The following DPYS variants were observed in gnomAD, a reference collection of about 807,000 sequenced individuals.
DPYS encodes dihydropyrimidinase, also known as dihydropyrimidine amidohydrolase.
In DPYS, 39 loss-of-function variants were observed where a neutral mutation model predicts 50.3. That is an observed-to-expected ratio of 0.78 (90% CI 0.60 to 1.01). DPYS has a LOEUF of 1.01. Among genes scored for constraint, DPYS ranks in the 50% least tolerant of loss-of-function variants. DPYS has a pLI of 0.00. For missense variants in DPYS, 659 were observed against 680.9 expected (o/e 0.97, Z 0.36); for synonymous variants, 245 against 250.7 (o/e 0.98, Z 0.22).
rs139880047 is a variant in DPYS at position 104,381,776 on chromosome 8, G to A, written c.1444-462C>T. Among the ~76,000 whole-genome samples the A allele has an allele frequency of 5.1e-3, 780 of 151,774 alleles. 7 individuals carry two copies. Among genetic ancestry groups the A allele is most frequent in the Non-Finnish European group, 8.3e-3 (566 of 67,940 alleles). ...TGGATCTTCCACAGAATCTCACCTC[G>A]TTGGTGACCGACTATGCAGCAGAAC... is the stretch of plus-strand genomic sequence containing the variant. On this transcript the variant is annotated intron_variant, in intron 8 of 9. Transcript: ENST00000351513.
rs182588893 is a variant in DPYS, at chr8:104,446,577, T to C, written c.603+747A>G. On this transcript the variant is annotated intron_variant, in intron 3 of 9. Transcript: ENST00000351513. ...GTGGTAAAAATACTTCCTGTTGTCA[T>C]GAAACTATAAAGCAGAAGTCCAATT... is the stretch of plus-strand genomic sequence containing the variant. Among the ~76,000 whole-genome samples the C allele has an allele frequency of 1.2e-3, 176 of 152,344 alleles. 1 individual carries two copies. Among genetic ancestry groups the C allele is most frequent in the African/African-American group, 3.9e-3 (162 of 41,578 alleles).
chr8:104,381,852 TC>T (rs1811056736), intron 8 of DPYS, among the ~76,000 whole-genome samples: 1 of 123,872 alleles, frequency 8.1e-6, no homozygotes, highest in South Asian at 2.7e-4. Flanking sequence ...AGTTTTGAAA[TC>T]ACACACACAC....
chr8:104,437,262 TC>T (rs1813184746), intron 4 of DPYS, among the ~76,000 whole-genome samples: 1 of 152,130 alleles, frequency 6.6e-6, no homozygotes, highest in Admixed American at 6.5e-5. Context: ...TATAGCCTTG[TC>T]AGAGGTGTTC....
In DPYS at chr8:104,429,617, G is replaced by C. The variant is rs773862108; in HGVS notation, c.878C>G (p.Ala293Gly). The stretch of plus-strand genomic sequence containing the variant: ...CAAAGGTGGACCCATGACATGGTGG[G>C]CTGCATGGTGCCATTCTTTATTCCA... The part of the protein sequence containing the change: ...HYWNKEWHHA[A>G]HHVMGPPLRP... The change falls in exon 5 of 10, where the codon GCC becomes GGC. Residue 293 changes from alanine to glycine, a missense_variant. By Grantham distance (60) the Ala-to-Gly change is moderately conservative. Coordinates refer to ENST00000351513, the MANE Select transcript of DPYS (RefSeq NM_001385.3). 2 of 1,614,024 alleles carry C rather than the reference G, an allele frequency of 1.2e-6. No individual in the cohort carries two copies. Among genetic ancestry groups the C allele is most frequent in the African/African-American group, 2.7e-5 (2 of 74,902 alleles).
At chr8:104,434,718 C>A (rs1588442398) in intron 4 of DPYS, among the ~76,000 whole-genome samples, 1 of 152,302 alleles carries the variant, frequency 6.6e-6, no homozygotes, top group Non-Finnish European at 1.5e-5. Context: ...CTTAGCAAAT[C>A]TAATGCCTAG....
intron 4 of DPYS, among the ~76,000 whole-genome samples, chr8:104,439,804 C>T (rs933980928): frequency 6.6e-6 from 1 of 152,058 alleles, no homozygotes; most frequent in African/African-American, 2.4e-5. Flanking sequence ...AAATAAACCC[C>T]AAACCCATTA....
At chr8:104,427,496 C>G (rs1812770993) in intron 6 of DPYS, among the ~76,000 whole-genome samples, 1 of 151,884 alleles carries the variant, frequency 6.6e-6, no homozygotes, top group Non-Finnish European at 1.5e-5. Context: ...CCAGGTTGGT[C>G]TTGAACTCCT....
At chr8:104,439,656 AC>A (rs929276381) in intron 4 of DPYS, among the ~76,000 whole-genome samples, 2 of 152,160 alleles carry the variant, frequency 1.3e-5, no homozygotes, top group African/African-American at 4.8e-5. Context: ...GTGGTGGCTT[AC>A]ATGAGTAGTC....
chr8:104,450,147 A>G (rs1813681916), intron 2 of DPYS, among the ~76,000 whole-genome samples: 1 of 68,016 alleles, frequency 1.5e-5, no homozygotes. Flanking sequence ...GAAAAGAAAG[A>G]AGGAAGGGAG....
chr8:104,395,269 G>A (rs1017343701), intron 7 of DPYS, among the ~76,000 whole-genome samples: 1 of 152,198 alleles, frequency 6.6e-6, no homozygotes, highest in African/African-American at 2.4e-5. Flanking sequence ...AAAGTGTTGG[G>A]ATTACGGGCA....
At chr8:104,425,224 CT>C (rs1812682624) in intron 6 of DPYS, among the ~76,000 whole-genome samples, 1 of 151,324 alleles carries the variant, frequency 6.6e-6, no homozygotes, top group Non-Finnish European at 1.5e-5. Flanking sequence ...GGTGACAATG[CT>C]TTTTTTAAAT....
At chr8:104,420,839 A>G (rs575248661) in intron 7 of DPYS, 2 of 152,324 alleles carry the variant, frequency 1.3e-5, no homozygotes, top group South Asian at 4.1e-4. Flanking sequence ...AGCTAAGAAC[A>G]TCTAAAAATG....
chr8:104,414,831 T>C (rs1812312654), intron 7 of DPYS, among the ~76,000 whole-genome samples: 1 of 152,158 alleles, frequency 6.6e-6, no homozygotes, highest in East Asian at 1.9e-4. Flanking sequence ...TGAGTCTGAG[T>C]CCAAAAAACA....
intron 7 of DPYS, among the ~76,000 whole-genome samples, chr8:104,413,221 C>A (rs953964921): frequency 3.9e-5 from 6 of 152,038 alleles, no homozygotes; most frequent in Non-Finnish European, 5.9e-5. Flanking sequence ...AATAAAAAAA[C>A]CACATTTCAA....
At chr8:104,386,079 G>T (rs1811204611) in intron 8 of DPYS, among the ~76,000 whole-genome samples, 1 of 152,178 alleles carries the variant, frequency 6.6e-6, no homozygotes, top group Non-Finnish European at 1.5e-5. Context: ...GATGATACTT[G>T]TCATTGTGAC....
At chr8:104,441,939 GAA>G (rs1184570568) in intron 4 of DPYS, among the ~76,000 whole-genome samples, 1 of 151,762 alleles carries the variant, frequency 6.6e-6, no homozygotes, top group Non-Finnish European at 1.5e-5. Flanking sequence ...TTTTCAAGTG[GAA>G]AAAAAAGCAA....
chr8:104,455,563 C>T (rs1401052277), intron 1 of DPYS, among the ~76,000 whole-genome samples: 3 of 152,176 alleles, frequency 2.0e-5, no homozygotes, highest in Non-Finnish European at 2.9e-5. Flanking sequence ...CACGTGTCCA[C>T]CTGGTGGCAT....
chr8:104,460,353 A>G (rs1357794779), intron 1 of DPYS, among the ~76,000 whole-genome samples: 1 of 151,942 alleles, frequency 6.6e-6, no homozygotes, highest in Non-Finnish European at 1.5e-5. Flanking sequence ...GGTTGTTTAA[A>G]AGGGTGCAGC....
At chr8:104,428,186 A>T in intron 5 of DPYS, 65 bp from the exon 6 acceptor site, 2 of 1,600,818 alleles carry the variant, frequency 1.2e-6, no homozygotes, top group Non-Finnish European at 1.7e-6. Context: ...GGAAACTGCC[A>T]TAACCTTTCC....
Sources: allele counts gnomAD v4.1 joint callset (sites outside exome capture counted in the v4.1 genomes callset), GRCh38; gene constraint gnomAD v4.1.1; transcripts MANE v1.5; gene names NCBI Gene and HGNC (gene_info 2026-07-23, HGNC 2026-07-21).